Variants in PLEKHG6 observed in about 807,000 individuals in gnomAD.
PLEKHG6 encodes the protein pleckstrin homology and RhoGEF domain containing G6.
A neutral mutation model predicts 97.5 loss-of-function variants in PLEKHG6; 91 were observed. That is an observed-to-expected ratio of 0.93 (90% CI 0.79 to 1.11). The LOEUF is 1.11. Among genes scored for constraint, PLEKHG6 ranks in the 50% most tolerant of loss-of-function variants. The probability of loss-of-function intolerance (pLI) is 0.00; values close to 1 mark genes in which losing one functional copy is unlikely to be tolerated. For missense variants in PLEKHG6, 1,044 were observed against 1,031.0 expected, an observed-to-expected ratio of 1.01 and a Z score of -0.17; for synonymous variants, 466 against 425.5, an observed-to-expected ratio of 1.10 and a Z score of -1.17.
chr12:6,327,333 G>T lies in PLEKHG6; in HGVS notation c.1750G>T (p.Asp584Tyr), dbSNP rs756293574. Reference protein sequence around the residue: ...TDEDAPLVPDDTSDSGYGTLI... With the variant: ...TDEDAPLVPDYTSDSGYGTLI... Reference sequence around the variant, plus strand: ...TGAAGATGCTCCCCTTGTGCCAGATGATACCTCAGACTCTGGCTACGGCAC... The same window carrying T: ...TGAAGATGCTCCCCTTGTGCCAGATTATACCTCAGACTCTGGCTACGGCAC... The change falls in exon 15 of 16, where the codon GAT becomes TAT. Residue 584 changes from aspartate to tyrosine, a missense_variant. Transcript: ENST00000684764. The T allele has an allele frequency of 1.2e-5, 19 of 1,613,906 alleles. No homozygotes were observed.
intron 13 of PLEKHG6, among the ~76,000 whole-genome samples, chr12:6,321,784 G>A (rs1457574523): frequency 1.5e-5 from 2 of 130,052 alleles, no homozygotes; most frequent in Non-Finnish European, 3.1e-5. Flanking sequence ...CCGAGATCGC[G>A]CCACTGCACT....
rs769877869 is a variant in PLEKHG6, at chr12:6,326,161, C to T, written c.1525-267C>T. Among the ~76,000 whole-genome samples the T allele has an allele frequency of 6.6e-5, 10 of 151,960 alleles. No individual in the cohort carries two copies. In the South Asian group the frequency reaches 8.3e-4, roughly 13 times the overall value. ...CTCTACTAAAAATACAAAAATTAGC[C>T]GGGCACGTTGGCGGGCGCCTGTAAT... is the stretch of plus-strand genomic sequence containing the variant. On this transcript the variant is annotated intron_variant, in intron 13 of 15. Coordinates refer to ENST00000684764, the MANE Select transcript of PLEKHG6 (RefSeq NM_001384598.1).
chr12:6,328,276 C>A lies in PLEKHG6; in HGVS notation c.*131C>A. On this transcript the variant is annotated 3_prime_UTR_variant, in exon 16 of 16. Transcript: ENST00000684764. Reference sequence around the variant, plus strand: ...CCAAAGGAAGCCTGGCCCAGGCACCCTGCCTCCTGCTCTGTTTGGGGATCA... The same window carrying A: ...CCAAAGGAAGCCTGGCCCAGGCACCATGCCTCCTGCTCTGTTTGGGGATCA... 2 of 833,532 alleles carry A rather than the reference C, an allele frequency of 2.4e-6. No homozygotes were observed. The highest frequency in any genetic ancestry group is 2.6e-5 in the East Asian group (1 of 38,982). The allele number at this position is 833,532 out of a possible 1,614,324, so 51.6% of individuals were successfully genotyped here.
At position 6,327,985 on chromosome 12, in the gene PLEKHG6, C is replaced by T. The variant is rs777024183; in HGVS notation, c.2363+39C>T. 2.1e-5 allele frequency: 32 copies of T among 1,513,252 alleles called. No homozygotes were observed. In the Admixed American group the frequency reaches 2.2e-4, roughly 10 times the overall value. 93.7% of individuals were successfully genotyped at this position (1,513,252 alleles called of 1,614,324 possible). ...GGAAGCTGGCCTGGGAGGGGGCAGA[C>T]GGGGATGTCTGTATGGTGGTGGGGT... is the stretch of plus-strand genomic sequence containing the variant. On this transcript the variant is annotated intron_variant, in intron 15 of 15. Transcript: ENST00000684764.
In PLEKHG6 at chr12:6,328,117, C is replaced by A; in HGVS notation, c.2364-19C>A. 3 of 1,613,898 alleles carry A rather than the reference C, an allele frequency of 1.9e-6. No homozygotes were observed. Among genetic ancestry groups the A allele is most frequent in the Non-Finnish European group, 2.5e-6 (3 of 1,179,782 alleles). ...CGTTGCCACTGAATGTCGCCTAACA[C>A]CCCCTCCTGTCTTTTCAGAGAGGTA... is the stretch of plus-strand genomic sequence containing the variant. On this transcript the variant is annotated intron_variant, in intron 15 of 15. Transcript: ENST00000684764.
chr12:6,314,848 T>C (rs1947397951), intron 3 of PLEKHG6, among the ~76,000 whole-genome samples, 157 bp from the exon 4 acceptor site: 1 of 152,100 alleles, frequency 6.6e-6, no homozygotes. Flanking sequence ...GGCCTCCATG[T>C]CCCCACTCAT....
chr12:6,320,125 C>A (rs927702899), intron 13 of PLEKHG6, among the ~76,000 whole-genome samples: 3 of 152,144 alleles, frequency 2.0e-5, no homozygotes, highest in East Asian at 1.9e-4. Context: ...AGAGTAGACG[C>A]AGCAGGGAGA....
chr12:6,311,638 G>A (rs924541073), intron 1 of PLEKHG6, among the ~76,000 whole-genome samples: 1 of 152,094 alleles, frequency 6.6e-6, no homozygotes, highest in Non-Finnish European at 1.5e-5. Flanking sequence ...TTGCAGGGGG[G>A]GCAGCAGTTG....
At chr12:6,313,538 A>G (rs1947345732) in intron 2 of PLEKHG6, 91 bp from the exon 3 acceptor site, 3 of 1,459,176 alleles carry the variant, frequency 2.1e-6, no homozygotes, top group African/African-American at 2.8e-5. Context: ...TGGGGGAACA[A>G]CATCTAGAGC....
chr12:6,318,392 T>C lies in PLEKHG6; in HGVS notation c.1247T>C (p.Val416Ala). The C allele has an allele frequency of 3.1e-6, 5 of 1,611,354 alleles. No individual in the cohort carries two copies. The highest frequency in any genetic ancestry group is 4.2e-6 in the Non-Finnish European group (5 of 1,178,996). Residue 416 changes from valine to alanine, a missense_variant, in exon 11 of 16, where the codon GTG (valine) becomes GCG (alanine). Physicochemically the swap from Val to Ala is moderately conservative, Grantham distance 64. Transcript: ENST00000684764. ...AGACAGCTGCTGCTGGAGGGGCCTG[T>C]GCGAGTGAAGGAGGGACGAGAAGGG... Reference protein sequence around the residue: ...HTRQLLLEGPVRVKEGREGKL... With the variant: ...HTRQLLLEGPARVKEGREGKL...
Position 6,327,867 on chromosome 12 carries a change from C to G in PLEKHG6, c.2284C>G (p.Pro762Ala). Residue 762 changes from proline to alanine, a missense_variant, in exon 15 of 16, where the codon CCA (proline) becomes GCA (alanine). By Grantham distance (27) the Pro-to-Ala change is conservative. Transcript: ENST00000684764. ...EGAEEPRDSR[P>A]RKLTRAQLQR... ...GGCCGAGGAGCCCCGGGACAGCAGG[C>G]CACGGAAGCTGACTCGGGCCCAGCT... 6.7e-7 allele frequency: 1 copy of G among 1,500,500 alleles called. No homozygotes were observed. The highest frequency in any genetic ancestry group is 1.4e-5 in the South Asian group (1 of 73,126). The allele number at this position is 1,500,500 out of a possible 1,614,324, so 92.9% of individuals were successfully genotyped here. A position where few individuals can be genotyped will look rare whatever the true frequency, so the allele number is the denominator to read the frequency against.
intron 2 of PLEKHG6, 167 bp downstream of exon 2, chr12:6,312,531 G>T: frequency 9.0e-7 from 1 of 1,112,310 alleles, no homozygotes; most frequent in Non-Finnish European, 1.2e-6. Context: ...ACAGGGCCAG[G>T]CTCCAGGGAT....
At chr12:6,325,054 G>C (rs888806440) in intron 13 of PLEKHG6, among the ~76,000 whole-genome samples, 1 of 152,122 alleles carries the variant, frequency 6.6e-6, no homozygotes, top group African/African-American at 2.4e-5. Context: ...TTTTAACAAG[G>C]ATATGGCCAT....
At chr12:6,319,312 G>A (rs1947617370) in intron 13 of PLEKHG6, 1 of 612,418 alleles carries the variant, frequency 1.6e-6, no homozygotes, top group Non-Finnish European at 2.8e-6. Flanking sequence ...GCCGGGCGTG[G>A]TGGTGTGTGC....
chr12:6,311,528 A>T (rs993672570), intron 1 of PLEKHG6, among the ~76,000 whole-genome samples: 6 of 152,236 alleles, frequency 3.9e-5, no homozygotes, highest in Non-Finnish European at 8.8e-5. Context: ...GGTTATTAGG[A>T]GACCAGCAGA....
In PLEKHG6 at chr12:6,327,839, G is replaced by A. The variant is rs773799561; in HGVS notation, c.2256G>A (p.Glu752=). The A allele has an allele frequency of 9.9e-6, 15 of 1,509,170 alleles. No homozygotes were observed. In the Middle Eastern group the frequency reaches 1.2e-3, roughly 125 times the overall value. The allele number at this position is 1,509,170 out of a possible 1,614,324, so 93.5% of individuals were successfully genotyped here. ...AGGAGCTGGCCAGCCAAAGGATTGA[G>A]GGGGCCGAGGAGCCCCGGGACAGCA... ...IREELASQRI[E]GAEEPRDSRP... Residue 752 remains glutamate, a synonymous_variant, in exon 15 of 16, where the codon GAG becomes GAA. Transcript: ENST00000684764.
At chr12:6,324,630 C>T (rs913873388) in intron 13 of PLEKHG6, among the ~76,000 whole-genome samples, 1 of 152,190 alleles carries the variant, frequency 6.6e-6, no homozygotes, top group African/African-American at 2.4e-5. Flanking sequence ...CAGGTACCCT[C>T]CCCTGCTCCG....
chr12:6,315,059 G>T lies in PLEKHG6; in HGVS notation c.349G>T (p.Gly117Trp). ...GAGGCTGCACACTTTCAGCATGTTTGGGATGCCCCGGCTGCCCCCTGAGGA... is the reference window on the plus strand; with the variant it reads ...GAGGCTGCACACTTTCAGCATGTTTTGGATGCCCCGGCTGCCCCCTGAGGA... ...EVRLHTFSMFGMPRLPPEDRR... is the reference protein window; with the variant it reads ...EVRLHTFSMFWMPRLPPEDRR... The change falls in exon 4 of 16, where the codon GGG becomes TGG. Residue 117 changes from glycine to tryptophan, a missense_variant. Gly to Trp is a radical substitution (Grantham distance 184). Transcript: ENST00000684764. The surrounding 1 kb of genome is among the most constrained non-coding windows in gnomAD (Gnocchi z 4.5). 1 of 1,613,926 alleles carries T rather than the reference G, an allele frequency of 6.2e-7. No homozygotes were observed. The highest frequency in any genetic ancestry group is 8.5e-7 in the Non-Finnish European group (1 of 1,180,030).
At position 6,327,804 on chromosome 12, in the gene PLEKHG6, G is replaced by A; in HGVS notation, c.2221G>A (p.Glu741Lys). 6.6e-7 allele frequency: 1 copy of A among 1,514,838 alleles called. No individual in the cohort carries two copies. Among genetic ancestry groups the A allele is most frequent in the Non-Finnish European group, 8.8e-7 (1 of 1,132,460 alleles). 93.8% of individuals were successfully genotyped at this position (1,514,838 alleles called of 1,614,324 possible). A position where few individuals can be genotyped will look rare whatever the true frequency, so the allele number is the denominator to read the frequency against. The part of the protein sequence containing the change: ...RPMRAEDMLR[E>K]IREELASQRI... ...AATGCGGGCTGAGGACATGCTCAGA[G>A]AGATCCGGGAGGAGCTGGCCAGCCA... is the stretch of plus-strand genomic sequence containing the variant. The change falls in exon 15 of 16, where the codon GAG becomes AAG. Residue 741 changes from glutamate (E) to lysine (K), a missense_variant. By Grantham distance (56) the Glu-to-Lys change is moderately conservative (BLOSUM62 1). Coordinates refer to ENST00000684764, the MANE Select transcript of PLEKHG6 (RefSeq NM_001384598.1).
Sources: gnomAD v4.1 joint callset for allele counts (sites outside exome capture counted in the v4.1 genomes callset) on GRCh38, gnomAD v4.1.1 for gene constraint, Gnocchi (gnomAD v3.1) non-coding constraint, MANE v1.5 for transcripts, NCBI Gene and HGNC (gene_info 2026-07-23, HGNC 2026-07-21) for gene names.